The following PLXDC2 variants were observed in gnomAD, a reference collection of about 807,000 sequenced individuals.
PLXDC2 encodes the protein plexin domain containing 2, also known as plexin domain-containing protein 2.
Under a neutral mutation model 68.9 loss-of-function variants are expected in PLXDC2, and 40 were observed. That is an observed-to-expected ratio of 0.58 (90% CI 0.45 to 0.76). The LOEUF (loss-of-function observed/expected upper bound fraction) is 0.76. Ranked by LOEUF, PLXDC2 falls within the 30% of genes least tolerant of loss-of-function variation. The pLI is 0.00. For missense variants in PLXDC2, 644 were observed against 661.9 expected, an observed-to-expected ratio of 0.97 and a Z score of 0.30; for synonymous variants, 243 against 234.2, an observed-to-expected ratio of 1.04 and a Z score of -0.34.
intron 1 of PLXDC2, among the ~76,000 whole-genome samples, chr10:19,844,520 G>A (rs1346466065): frequency 1.3e-5 from 2 of 151,996 alleles, no homozygotes; most frequent in African/African-American, 4.8e-5. Flanking sequence ...ATTTTCTAAT[G>A]CGATGTTGAG....
At chr10:19,976,339 G>A (rs1054890862) in intron 1 of PLXDC2, among the ~76,000 whole-genome samples, 1 of 151,874 alleles carries the variant, frequency 6.6e-6, no homozygotes, top group Non-Finnish European at 1.5e-5. Flanking sequence ...TCAGCCTCCC[G>A]AGTAGCTGGA....
chr10:20,095,761 T>C (rs929312635), intron 4 of PLXDC2, among the ~76,000 whole-genome samples: 8 of 152,148 alleles, frequency 5.3e-5, no homozygotes, highest in African/African-American at 1.7e-4. Flanking sequence ...ATGTTTTAGA[T>C]GGATGATCCT....
intron 3 of PLXDC2, among the ~76,000 whole-genome samples, chr10:20,057,144 CAT>C (rs1295349057): frequency 1.3e-5 from 2 of 152,092 alleles, no homozygotes; most frequent in Non-Finnish European, 1.5e-5. Context: ...GAGTGTAAAA[CAT>C]ATTCTCATCC....
chr10:20,031,370 A>G (rs1486591869), intron 2 of PLXDC2, among the ~76,000 whole-genome samples: 1 of 152,084 alleles, frequency 6.6e-6, no homozygotes, highest in African/African-American at 2.4e-5. Context: ...ATCCTATTAA[A>G]AAAAAAAAGT....
intron 1 of PLXDC2, among the ~76,000 whole-genome samples, chr10:20,001,199 A>G (rs1187856374): frequency 6.6e-6 from 1 of 152,196 alleles, no homozygotes; most frequent in Non-Finnish European, 1.5e-5. Flanking sequence ...TACTTATTAA[A>G]TGGGTCAGGC....
intron 1 of PLXDC2, among the ~76,000 whole-genome samples, chr10:19,984,933 T>G (rs1834610346): frequency 6.6e-6 from 1 of 152,222 alleles, no homozygotes; most frequent in Admixed American, 6.5e-5. Context: ...GAATTTCGGT[T>G]GTATAACAGC....
intron 13 of PLXDC2, among the ~76,000 whole-genome samples, chr10:20,271,228 T>C (rs761392465): frequency 2.6e-5 from 4 of 151,270 alleles, no homozygotes; most frequent in Non-Finnish European, 1.5e-5. Context: ...AGCGTCAAGA[T>C]TGAAGAGACA....
chr10:19,988,052 G>C (rs1834678719), intron 1 of PLXDC2, among the ~76,000 whole-genome samples: 1 of 151,996 alleles, frequency 6.6e-6, no homozygotes, highest in African/African-American at 2.4e-5. Context: ...GCCTTTGTTA[G>C]TCATGAATAA....
Position 20,174,165 on chromosome 10 carries a change from A to G in PLXDC2, c.884-2834A>G, listed in dbSNP as rs189487635. ...CAAAGACTCAAGAACCCCCCCTCCT[A>G]GTGATCTTATGGAAAGGCCACATTA... On this transcript the variant is annotated intron_variant, in intron 7 of 13. Transcript: ENST00000377252. Among the ~76,000 whole-genome samples, 292 of 152,110 alleles carry G rather than the reference A, an allele frequency of 1.9e-3. 2 individuals carry two copies. The highest frequency in any genetic ancestry group is 6.2e-3 in the African/African-American group (259 of 41,522).
At chr10:20,185,397 G>A (rs947876888) in intron 9 of PLXDC2, among the ~76,000 whole-genome samples, 7 of 151,820 alleles carry the variant, frequency 4.6e-5, no homozygotes, top group African/African-American at 1.5e-4. Context: ...TCACCACAGA[G>A]CCTAGCCTTC....
chr10:20,019,822 C>T (rs1050779795), intron 2 of PLXDC2, among the ~76,000 whole-genome samples: 1 of 152,008 alleles, frequency 6.6e-6, no homozygotes, highest in Non-Finnish European at 1.5e-5. Flanking sequence ...TTTGCTGTGG[C>T]CACTAAGCTG....
At chr10:19,862,664 A>G (rs374078568) in intron 1 of PLXDC2, among the ~76,000 whole-genome samples, 133 of 152,350 alleles carry the variant, frequency 8.7e-4, no homozygotes, top group African/African-American at 2.4e-3. Context: ...ACACTACACA[A>G]CAAGTATGCA....
In PLXDC2 at chr10:20,280,133, G is replaced by A; in HGVS notation, c.*314G>A. 1 of 236,318 alleles carries A rather than the reference G, an allele frequency of 4.2e-6. No individual in the cohort carries two copies. The highest frequency in any genetic ancestry group is 8.2e-6 in the Non-Finnish European group (1 of 122,652). 14.6% of individuals were successfully genotyped at this position (236,318 alleles called of 1,614,324 possible). On this transcript the variant is annotated 3_prime_UTR_variant, in exon 14 of 14. Coordinates refer to ENST00000377252, the MANE Select transcript of PLXDC2 (RefSeq NM_032812.9). ...TATAATGCTTTTGGCTTAGGTGCAGGGTTGCAAAGGGATCAGAAAAAAAAA... is the reference window on the plus strand; with the variant it reads ...TATAATGCTTTTGGCTTAGGTGCAGAGTTGCAAAGGGATCAGAAAAAAAAA...
At chr10:20,115,911 G>A (rs373363087) in intron 4 of PLXDC2, among the ~76,000 whole-genome samples, 26 of 152,124 alleles carry the variant, frequency 1.7e-4, no homozygotes, top group African/African-American at 5.5e-4. Flanking sequence ...CACATTAAAC[G>A]GGAGCTGCAG....
chr10:20,033,955 T>A (rs566611255), intron 2 of PLXDC2, among the ~76,000 whole-genome samples: 8 of 152,316 alleles, frequency 5.3e-5, no homozygotes, highest in African/African-American at 1.7e-4. Flanking sequence ...TAAGATAATA[T>A]GAAATCTATT....
chr10:19,830,650 G>A (rs1035536344), intron 1 of PLXDC2, among the ~76,000 whole-genome samples: 1 of 151,846 alleles, frequency 6.6e-6, no homozygotes, highest in African/African-American at 2.4e-5. Context: ...TGATCAGCTT[G>A]TGTCTCAAAA....
chr10:20,245,638 T>C, intron 13 of PLXDC2, 133 bp downstream of exon 13: 1 of 1,022,304 alleles, frequency 9.8e-7, no homozygotes, highest in Non-Finnish European at 1.4e-6. Flanking sequence ...TTCACACACA[T>C]GGATGTTGTC....
At chr10:20,201,986 A>G (rs1834926853) in intron 9 of PLXDC2, among the ~76,000 whole-genome samples, 1 of 152,174 alleles carries the variant, frequency 6.6e-6, no homozygotes, top group South Asian at 2.1e-4. Flanking sequence ...ATTTCTTTCA[A>G]AATGGTTATT....
chr10:20,070,533 G>C (rs534568905), intron 4 of PLXDC2, among the ~76,000 whole-genome samples: 9 of 152,320 alleles, frequency 5.9e-5, no homozygotes, highest in African/African-American at 2.2e-4. Context: ...GATATATCCA[G>C]TATAGTGCCA....
Sources: gnomAD v4.1 joint callset for allele counts (sites outside exome capture counted in the v4.1 genomes callset) on GRCh38, gnomAD v4.1.1 for gene constraint, MANE v1.5 for transcripts, NCBI Gene and HGNC (gene_info 2026-07-23, HGNC 2026-07-21) for gene names.